The following CCDC18 variants were observed in gnomAD, a reference collection of about 807,000 sequenced individuals.
The protein encoded by CCDC18 is coiled-coil domain containing 18.
Under a neutral mutation model 196.0 loss-of-function variants are expected in CCDC18, and 157 were observed. The ratio of observed to expected loss-of-function variants is 0.80; its 90% CI spans 0.70 to 0.91. The LOEUF (loss-of-function observed/expected upper bound fraction) is 0.91. Among genes scored for constraint, CCDC18 ranks in the 40% least tolerant of loss-of-function variants. The pLI is 0.00. For missense variants in CCDC18, 1,465 were observed against 1,611.6 expected, an observed-to-expected ratio of 0.91 and a Z score of 1.56; for synonymous variants, 482 against 529.2, an observed-to-expected ratio of 0.91 and a Z score of 1.22.
At chr1:93,240,714 C>G (rs1440721596) in intron 21 of CCDC18, among the ~76,000 whole-genome samples, 1 of 152,084 alleles carries the variant, frequency 6.6e-6, no homozygotes, top group Non-Finnish European at 1.5e-5. Flanking sequence ...ACCCATTTCT[C>G]CAGTATTGAC....
At chr1:93,180,655 G>T (rs1557585800), upstream of CCDC18, 13 of 1,318,418 alleles carry the variant, frequency 9.9e-6, no homozygotes, top group Non-Finnish European at 1.0e-5. Context: ...CGCCTTCGGC[G>T]GCGCCTCACG....
At chr1:93,201,759 T>G (rs1653878393) in intron 6 of CCDC18, 133 bp from the exon 7 acceptor site, 1 of 516,744 alleles carries the variant, frequency 1.9e-6, no homozygotes, top group African/African-American at 2.0e-5. Context: ...ACTTTAAGCC[T>G]AATACTCCTT....
chr1:93,209,953 C>T (rs970079482), intron 9 of CCDC18, among the ~76,000 whole-genome samples: 2 of 151,914 alleles, frequency 1.3e-5, no homozygotes, highest in Admixed American at 1.3e-4. Flanking sequence ...CCTAGCTACT[C>T]GAGAAGCTGA....
chr1:93,259,506 T>C (rs1357023769), intron 26 of CCDC18, among the ~76,000 whole-genome samples: 1 of 152,204 alleles, frequency 6.6e-6, no homozygotes, highest in African/African-American at 2.4e-5. Flanking sequence ...CGTTTAGTGC[T>C]AATAAAGCGT....
rs1464474949 is a variant in CCDC18 at position 93,180,750 on chromosome 1, C to G, written c.-105C>G. ...GTTCGAATTCTGTGCTGCCGGGGTT[C>G]GCTGGTTCTCCGAGTTGTGTCCGAG... On this transcript the variant is annotated 5_prime_UTR_variant, in exon 1 of 29. Transcript: ENST00000690025. The G allele has an allele frequency of 3.7e-6, 5 of 1,366,966 alleles. No individual in the cohort carries two copies. Among genetic ancestry groups the G allele is most frequent in the Middle Eastern group, 4.2e-4 (2 of 4,764 alleles). The allele number at this position is 1,366,966 out of a possible 1,614,324, so 84.7% of individuals were successfully genotyped here.
At chr1:93,268,453 T>G (rs1664813577) in intron 27 of CCDC18, among the ~76,000 whole-genome samples, 1 of 152,124 alleles carries the variant, frequency 6.6e-6, no homozygotes, top group Non-Finnish European at 1.5e-5. Flanking sequence ...TTAAAGAGCT[T>G]CTGCACAGCA....
At chr1:93,206,717 C>T (rs1654762412) in intron 8 of CCDC18, among the ~76,000 whole-genome samples, 1 of 152,124 alleles carries the variant, frequency 6.6e-6, no homozygotes. Context: ...ACTTTTTCTC[C>T]TGTTTTAGGA....
chr1:93,240,645 CA>C (rs1660644024), intron 21 of CCDC18, among the ~76,000 whole-genome samples: 1 of 152,158 alleles, frequency 6.6e-6, no homozygotes, highest in Admixed American at 6.5e-5. Flanking sequence ...TCTGTATCCA[CA>C]AACTCATCCT....
At chr1:93,203,027 T>C (rs1442463343) in intron 7 of CCDC18, among the ~76,000 whole-genome samples, 2 of 152,138 alleles carry the variant, frequency 1.3e-5, no homozygotes, top group Non-Finnish European at 2.9e-5. Flanking sequence ...GATCAAAATC[T>C]ATGTTCTAGG....
chr1:93,246,031 C>A (rs2100938382), intron 21 of CCDC18, 74 bp from the exon 22 acceptor site: 2 of 918,406 alleles, frequency 2.2e-6, no homozygotes, highest in South Asian at 2.3e-5. Context: ...GAAGAGGTAA[C>A]CTGGTTGACC....
intron 16 of CCDC18, among the ~76,000 whole-genome samples, chr1:93,224,936 T>C (rs996862073): frequency 8.5e-5 from 13 of 152,102 alleles, no homozygotes; most frequent in African/African-American, 3.1e-4. Context: ...AAAACAAATG[T>C]TAATTAGTCA....
chr1:93,247,213 G>A (rs1418341304), intron 23 of CCDC18, among the ~76,000 whole-genome samples: 3 of 151,284 alleles, frequency 2.0e-5, no homozygotes, highest in Admixed American at 6.6e-5. Flanking sequence ...AGGCGTGAGC[G>A]ACCACACTCT....
At chr1:93,257,247 A>AC (rs1166450065) in intron 25 of CCDC18, among the ~76,000 whole-genome samples, 6 of 145,078 alleles carry the variant, frequency 4.1e-5, no homozygotes, top group African/African-American at 5.5e-5. Context: ...AAAAAAAAAA[A>AC]AAAAAAAAAA....
intron 18 of CCDC18, among the ~76,000 whole-genome samples, chr1:93,235,313 CAGATCCCTGAGGG>C (rs752937850): frequency 1.7e-3 from 265 of 152,184 alleles, no homozygotes; most frequent in South Asian, 2.5e-3. Flanking sequence ...TTGACTTGGA[CAGATCCCTGAGGG>C]ATGTGATACA....
intron 6 of CCDC18, among the ~76,000 whole-genome samples, chr1:93,198,404 A>G (rs1653162257): frequency 6.6e-6 from 1 of 152,224 alleles, no homozygotes; most frequent in African/African-American, 2.4e-5. Context: ...CAAATCAAGG[A>G]TAGGCAAAAT....
intron 23 of CCDC18, among the ~76,000 whole-genome samples, chr1:93,247,158 T>C (rs748246223): frequency 3.8e-4 from 58 of 152,024 alleles, no homozygotes; most frequent in Middle Eastern, 3.4e-3. Flanking sequence ...GTTCCTGGGC[T>C]CAAGCAATCC....
At chr1:93,270,911 CTAA>C in intron 28 of CCDC18, 97 bp downstream of exon 28, 2 of 1,385,824 alleles carry the variant, frequency 1.4e-6, no homozygotes, top group Non-Finnish European at 1.9e-6. Context: ...TGAAAAACTA[CTAA>C]TATTTGAAGA....
At chr1:93,180,440 A>C (rs1231704917), upstream of CCDC18, 30 of 1,309,402 alleles carry the variant, frequency 2.3e-5, no homozygotes, top group African/African-American at 3.1e-5. Flanking sequence ...GGGCGGGGCT[A>C]GCAGTCCTAT....
chr1:93,197,685 C>G (rs1652962232), intron 6 of CCDC18, among the ~76,000 whole-genome samples: 1 of 151,148 alleles, frequency 6.6e-6, no homozygotes. Context: ...GGAAAAGACT[C>G]TCAAAAACAA....
Sources: gnomAD v4.1 joint callset for allele counts (sites outside exome capture counted in the v4.1 genomes callset) on GRCh38, gnomAD v4.1.1 for gene constraint, MANE v1.5 for transcripts, NCBI Gene and HGNC (gene_info 2026-07-23, HGNC 2026-07-21) for gene names.